The following TP53INP1 variants were observed in gnomAD, a reference collection of about 807,000 sequenced individuals.
TP53INP1 encodes tumor protein p53 inducible nuclear protein 1.
TP53INP1 carries 12 observed loss-of-function variants against 21.0 expected under a neutral mutation model. That is an observed-to-expected ratio of 0.57 (90% CI 0.37 to 0.93). The LOEUF is 0.93. Ranked by LOEUF, TP53INP1 falls within the 40% of genes least tolerant of loss-of-function variation. The probability of loss-of-function intolerance (pLI) is 0.01; values close to 1 mark genes in which losing one functional copy is unlikely to be tolerated. For synonymous variants in TP53INP1, 91 were observed against 94.8 expected, an observed-to-expected ratio of 0.96 and a Z score of 0.23; for missense variants, 274 against 294.7, an observed-to-expected ratio of 0.93 and a Z score of 0.51.
At chr8:94,948,551 G>A (rs1276195873) in intron 1 of TP53INP1, among the ~76,000 whole-genome samples, 1 of 152,162 alleles carries the variant, frequency 6.6e-6, no homozygotes, top group African/African-American at 2.4e-5. Context: ...CGGTGGCCGG[G>A]TCACGGAGCA....
At chr8:94,943,078 T>C (rs967407064) in intron 1 of TP53INP1, among the ~76,000 whole-genome samples, 3 of 152,154 alleles carry the variant, frequency 2.0e-5, no homozygotes, top group African/African-American at 7.2e-5. Context: ...TGCAAAATAA[T>C]GCAGTTGGAG....
In TP53INP1 at chr8:94,926,265, G is replaced by A. The variant is rs1049445021; in HGVS notation, c.*4214C>T. 8 of 152,086 alleles carry A rather than the reference G, an allele frequency of 5.3e-5. No individual in the cohort carries two copies. Among genetic ancestry groups the A allele is most frequent in the Admixed American group, 3.3e-4 (5 of 15,208 alleles). The allele number at this position is 152,086 out of a possible 1,614,324, so 9.4% of individuals were successfully genotyped here. A position where few individuals can be genotyped will look rare whatever the true frequency, so the allele number is the denominator to read the frequency against. On this transcript the variant is annotated 3_prime_UTR_variant, in exon 4 of 4. Coordinates refer to ENST00000342697, the MANE Select transcript of TP53INP1 (RefSeq NM_033285.4). ...AGTAACCTAACCAAATGTCCCTTTTGAATTTTCAAGTTACTGAAAAAAAAT... is the reference window on the plus strand; with the variant it reads ...AGTAACCTAACCAAATGTCCCTTTTAAATTTTCAAGTTACTGAAAAAAAAT...
At position 94,927,506 on chromosome 8, in the gene TP53INP1, C is replaced by T. The variant is rs1323834350; in HGVS notation, c.*2973G>A. 6.6e-6 allele frequency: 1 copy of T among 152,068 alleles called. No individual in the cohort carries two copies. The highest frequency in any genetic ancestry group is 2.4e-5 in the African/African-American group (1 of 41,402). The allele number at this position is 152,068 out of a possible 1,614,324, so 9.4% of individuals were successfully genotyped here. The stretch of plus-strand genomic sequence containing the variant: ...AGGAAATTAATATTTCTTAAAAGCT[C>T]CCTGCGATAGGAAGTCGAAAACCCA... On this transcript the variant is annotated 3_prime_UTR_variant, in exon 4 of 4. Transcript: ENST00000342697.
chr8:94,948,012 G>T (rs1384337939), intron 1 of TP53INP1, among the ~76,000 whole-genome samples: 3 of 152,152 alleles, frequency 2.0e-5, no homozygotes, highest in African/African-American at 7.2e-5. Context: ...TCTGTTCAGT[G>T]ACCCCAAGGG....
intron 1 of TP53INP1, among the ~76,000 whole-genome samples, chr8:94,946,291 C>G (rs1439845974): frequency 6.6e-6 from 1 of 152,086 alleles, no homozygotes; most frequent in Non-Finnish European, 1.5e-5. Flanking sequence ...CGGGGAAGAG[C>G]ATTCTAGTTT....
intron 2 of TP53INP1, 140 bp downstream of exon 2, chr8:94,940,689 CT>C (rs147987521): frequency 1.6e-6 from 1 of 633,366 alleles, no homozygotes; most frequent in East Asian, 2.8e-5. Context: ...AGATGGTTTC[CT>C]GCAATTTTTT....
chr8:94,935,594 C>T (rs1405211281), intron 3 of TP53INP1, among the ~76,000 whole-genome samples: 1 of 152,166 alleles, frequency 6.6e-6, no homozygotes, highest in Admixed American at 6.5e-5. Context: ...TCTGTCTCTG[C>T]TGGGAACCAA....
At chr8:94,931,386 GAC>G (rs762794270) in intron 3 of TP53INP1, among the ~76,000 whole-genome samples, 37 of 151,986 alleles carry the variant, frequency 2.4e-4, no homozygotes, top group Non-Finnish European at 4.3e-4. Flanking sequence ...GGCAATATAA[GAC>G]TCTTGAATAA....
intron 1 of TP53INP1, among the ~76,000 whole-genome samples, chr8:94,948,902 G>A (rs1822274389): frequency 6.6e-6 from 1 of 151,514 alleles, no homozygotes; most frequent in Non-Finnish European, 1.5e-5. Flanking sequence ...TGTCCGCGCC[G>A]CCGCCGCCTC....
chr8:94,929,575 CTT>C lies in TP53INP1; in HGVS notation c.*902_*903del, dbSNP rs1042051406. Reference sequence around the variant, plus strand: ...CTCTGTGGAAATATAAAGCCTATCTCTTTTCCCATGGGCAGAGAGAAATATGA... The same window carrying C: ...CTCTGTGGAAATATAAAGCCTATCTCTTCCCATGGGCAGAGAGAAATATGA... On this transcript the variant is annotated 3_prime_UTR_variant, in exon 4 of 4. Coordinates refer to ENST00000342697, the MANE Select transcript of TP53INP1 (RefSeq NM_033285.4). 7.9e-5 allele frequency: 12 copies of C among 152,198 alleles called. No individual in the cohort carries two copies. Among genetic ancestry groups the C allele is most frequent in the African/African-American group, 2.9e-4 (12 of 41,440 alleles). The allele number at this position is 152,198 out of a possible 1,614,324, so 9.4% of individuals were successfully genotyped here.
At chr8:94,946,696 C>CAAAA (rs71273438) in intron 1 of TP53INP1, among the ~76,000 whole-genome samples, 1,687 of 34,588 alleles carry the variant, frequency 0.049, 323 homozygotes, top group Middle Eastern at 0.077. Context: ...GACCCTGTCT[C>CAAAA]AAAAAAAAAA....
At chr8:94,933,368 A>C (rs938749402) in intron 3 of TP53INP1, among the ~76,000 whole-genome samples, 1 of 152,242 alleles carries the variant, frequency 6.6e-6, no homozygotes, top group Admixed American at 6.5e-5. Flanking sequence ...CTAGAAAACC[A>C]TAACAACCTT....
chr8:94,941,094 A>C lies in TP53INP1; in HGVS notation c.-150-3T>G. ...AAAAGCAAGAAGAGTCATTGTACCTAAAATAAAACAGAAAAAGGAAGTTAT... is the reference window on the plus strand; with the variant it reads ...AAAAGCAAGAAGAGTCATTGTACCTCAAATAAAACAGAAAAAGGAAGTTAT... On this transcript the variant is annotated splice_region_variant and splice_polypyrimidine_tract_variant and intron_variant, in intron 1 of 3. Coordinates refer to ENST00000342697, the MANE Select transcript of TP53INP1 (RefSeq NM_033285.4). 1.7e-6 allele frequency: 1 copy of C among 600,262 alleles called. No individual in the cohort carries two copies. The allele number at this position is 600,262 out of a possible 1,614,324, so 37.2% of individuals were successfully genotyped here.
intron 3 of TP53INP1, 40 bp downstream of exon 3, chr8:94,939,820 C>A (rs375676973): frequency 2.6e-4 from 411 of 1,578,124 alleles, no homozygotes; most frequent in Non-Finnish European, 3.4e-4. Context: ...AATGCATGCT[C>A]AGTGGACTGC....
At chr8:94,932,931 T>C (rs1820567593) in intron 3 of TP53INP1, among the ~76,000 whole-genome samples, 1 of 152,256 alleles carries the variant, frequency 6.6e-6, no homozygotes, top group Non-Finnish European at 1.5e-5. Context: ...ATTCAGTGCA[T>C]TCTGGCCGAG....
At chr8:94,939,636 G>C in intron 3 of TP53INP1, 1 of 549,864 alleles carries the variant, frequency 1.8e-6, no homozygotes, top group Non-Finnish European at 3.2e-6. Context: ...GAGCTTAAGT[G>C]ATCTGCCTGC....
At chr8:94,930,933 G>T (rs1053586369) in intron 3 of TP53INP1, among the ~76,000 whole-genome samples, 2 of 152,224 alleles carry the variant, frequency 1.3e-5, no homozygotes, top group Non-Finnish European at 2.9e-5. Context: ...TTACTAGAAA[G>T]ATGCCATATA....
At chr8:94,935,128 T>TTAGATAGATAGATAGATAG (rs149916195) in intron 3 of TP53INP1, among the ~76,000 whole-genome samples, 6 of 144,640 alleles carry the variant, frequency 4.1e-5, no homozygotes, top group African/African-American at 1.6e-4. Flanking sequence ...GGTAGATAGA[T>TTAGATAGATAGATAGATAG]ATAGATAGAT....
intron 3 of TP53INP1, among the ~76,000 whole-genome samples, chr8:94,932,690 C>G (rs934297581): frequency 1.3e-5 from 2 of 152,132 alleles, no homozygotes; most frequent in African/African-American, 4.8e-5. Context: ...GTAGTCCCAG[C>G]TACTCGGGAG....
Sources: gnomAD v4.1 joint callset for allele counts (sites outside exome capture counted in the v4.1 genomes callset) on GRCh38, gnomAD v4.1.1 for gene constraint, MANE v1.5 for transcripts, NCBI Gene and HGNC (gene_info 2026-07-23, HGNC 2026-07-21) for gene names.